Variants in DLGAP2 observed in about 807,000 individuals in gnomAD.
DLGAP2 encodes the protein disks large-associated protein 2.
Under a neutral mutation model 100.3 loss-of-function variants are expected in DLGAP2, and 26 were observed. The ratio of observed to expected loss-of-function variants is 0.26; its 90% CI spans 0.19 to 0.36. The LOEUF (loss-of-function observed/expected upper bound fraction) is 0.36, where lower values mean the gene tolerates loss of function less well. Among genes scored for constraint, DLGAP2 ranks in the 10% least tolerant of loss-of-function variants. The pLI, the probability that DLGAP2 is intolerant of heterozygous loss-of-function variation, is 1.00. For missense variants in DLGAP2, 1,858 were observed against 1,453.2 expected, an observed-to-expected ratio of 1.28 and a Z score of -4.53; for synonymous variants, 886 against 630.1, an observed-to-expected ratio of 1.41 and a Z score of -6.08.
chr8:1,460,418 G>T (rs567400918), intron 3 of DLGAP2, among the ~76,000 whole-genome samples: 1 of 152,150 alleles, frequency 6.6e-6, no homozygotes, highest in Non-Finnish European at 1.5e-5. Flanking sequence ...AGCTGATTTC[G>T]TGTCGTCCTC....
At chr8:1,573,879 G>A (rs1245606449) in intron 6 of DLGAP2, among the ~76,000 whole-genome samples, 1 of 152,166 alleles carries the variant, frequency 6.6e-6, no homozygotes, top group Non-Finnish European at 1.5e-5. Context: ...GGTGTGAGCT[G>A]ACCCCTTAGA....
chr8:973,652 G>A (rs1465987720), intron 2 of DLGAP2, among the ~76,000 whole-genome samples: 1 of 152,254 alleles, frequency 6.6e-6, no homozygotes, highest in East Asian at 1.9e-4. Flanking sequence ...TCACGCCACT[G>A]CACTCCAGCC....
At chr8:805,302 C>T (rs1796246862) in intron 1 of DLGAP2, among the ~76,000 whole-genome samples, 1 of 152,188 alleles carries the variant, frequency 6.6e-6, no homozygotes. Context: ...TTCATTTCTT[C>T]TGGATGGTTT....
chr8:1,390,309 C>G (rs1275770511), intron 3 of DLGAP2, among the ~76,000 whole-genome samples: 2 of 152,182 alleles, frequency 1.3e-5, no homozygotes, highest in Non-Finnish European at 2.9e-5. Flanking sequence ...CTGTGGTGTG[C>G]TTGTATCTTT....
At chr8:1,183,731 G>A (rs1023609726) in intron 2 of DLGAP2, among the ~76,000 whole-genome samples, 2 of 152,174 alleles carry the variant, frequency 1.3e-5, no homozygotes, top group African/African-American at 2.4e-5. Context: ...CCGCCTCCTG[G>A]TCCGAGGCAT....
chr8:751,962 C>T (rs532449366), intron 1 of DLGAP2, among the ~76,000 whole-genome samples: 2 of 152,162 alleles, frequency 1.3e-5, no homozygotes, highest in Non-Finnish European at 2.9e-5. Context: ...ATAGGAAGTT[C>T]ATCTGACACT....
At chr8:1,554,144 C>G (rs542299328) in intron 5 of DLGAP2, among the ~76,000 whole-genome samples, 1 of 152,198 alleles carries the variant, frequency 6.6e-6, no homozygotes, top group South Asian at 2.1e-4. Flanking sequence ...AAAAACTAGC[C>G]AGGCCTGGTG....
chr8:1,516,425 G>C (rs1800387802), intron 4 of DLGAP2, among the ~76,000 whole-genome samples: 1 of 145,310 alleles, frequency 6.9e-6, no homozygotes, highest in Non-Finnish European at 1.5e-5. Flanking sequence ...GTGAGTGACT[G>C]AATGAGTGGG....
At chr8:1,576,110 C>T (rs1049955092) in intron 6 of DLGAP2, among the ~76,000 whole-genome samples, 48 of 152,138 alleles carry the variant, frequency 3.2e-4, no homozygotes, top group African/African-American at 1.1e-3. Context: ...CCTATTTCTC[C>T]ACATCCTCTC....
chr8:927,190 T>A (rs1798835170), intron 2 of DLGAP2: 5 of 985,294 alleles, frequency 5.1e-6, no homozygotes, highest in African/African-American at 1.7e-5. Flanking sequence ...TCAGGAAAAC[T>A]CCTACAAAGG....
intron 1 of DLGAP2, among the ~76,000 whole-genome samples, chr8:862,262 G>A (rs1022384073): frequency 5.3e-5 from 8 of 151,764 alleles, no homozygotes; most frequent in African/African-American, 1.7e-4. Context: ...CAGGTGTCTT[G>A]GAGCGAGTCC....
chr8:957,859 A>T (rs755148484), intron 2 of DLGAP2, among the ~76,000 whole-genome samples: 8 of 150,980 alleles, frequency 5.3e-5, no homozygotes, highest in Non-Finnish European at 1.0e-4. Context: ...AAAATATTTT[A>T]AAAATATTTT....
chr8:1,249,459 T>C (rs1170139550), intron 2 of DLGAP2, among the ~76,000 whole-genome samples: 1 of 152,228 alleles, frequency 6.6e-6, no homozygotes, highest in East Asian at 1.9e-4. Context: ...CTCTTATCTA[T>C]TTCTCATGTT....
chr8:1,247,890 G>A (rs112351935), intron 2 of DLGAP2, among the ~76,000 whole-genome samples: 1 of 5,474 alleles, frequency 1.8e-4, no homozygotes, highest in East Asian at 1.4e-3. Context: ...TGGCCAGGAA[G>A]ACCTTTGAGA....
intron 2 of DLGAP2, among the ~76,000 whole-genome samples, chr8:1,176,504 C>T (rs993610540): frequency 6.6e-6 from 1 of 152,220 alleles, no homozygotes; most frequent in Non-Finnish European, 1.5e-5. Context: ...GAAGGAACTA[C>T]ACTTGGAGAT....
In DLGAP2 at chr8:1,252,044, T is replaced by A. The variant is rs117089642; in HGVS notation, c.74-6807T>A. 3.4e-3 allele frequency among the ~76,000 whole-genome samples: 498 copies of A among 145,956 alleles called. 13 individuals are homozygous for A. In the East Asian group the frequency reaches 0.055, roughly 16 times the overall value. ...CCTGAGTCACAATGTCAGAGTCATGTCATGTCACACTTGTCACACTGTGTT... is the reference window on the plus strand; with the variant it reads ...CCTGAGTCACAATGTCAGAGTCATGACATGTCACACTTGTCACACTGTGTT... On this transcript the variant is annotated intron_variant, in intron 2 of 14. Transcript: ENST00000637795.
At chr8:1,282,481 C>G (rs1198574676) in intron 3 of DLGAP2, among the ~76,000 whole-genome samples, 1 of 127,992 alleles carries the variant, frequency 7.8e-6, no homozygotes. Flanking sequence ...CATGGTGTGA[C>G]CTGAACCCAG....
chr8:745,661 A>T (rs753324740), intron 1 of DLGAP2, among the ~76,000 whole-genome samples: 1 of 152,244 alleles, frequency 6.6e-6, no homozygotes, highest in Non-Finnish European at 1.5e-5. Flanking sequence ...GTTTCATAGT[A>T]TAATATTGGA....
intron 2 of DLGAP2, among the ~76,000 whole-genome samples, chr8:1,053,315 A>T (rs1330356456): frequency 6.6e-6 from 1 of 152,026 alleles, no homozygotes; most frequent in East Asian, 1.9e-4. Context: ...TCTTCATAAG[A>T]TGGTTATAAA....
Sources: allele counts gnomAD v4.1 joint callset (sites outside exome capture counted in the v4.1 genomes callset), GRCh38; gene constraint gnomAD v4.1.1; transcripts MANE v1.5; gene names NCBI Gene and HGNC (gene_info 2026-07-23, HGNC 2026-07-21).